The following AGBL1 variants were observed in gnomAD, a reference collection of about 807,000 sequenced individuals.
AGBL1 encodes the protein AGBL carboxypeptidase 1.
Under a neutral mutation model 118.9 loss-of-function variants are expected in AGBL1, and 130 were observed. That is an observed-to-expected ratio of 1.09 (90% CI 0.95 to 1.26). AGBL1 has a LOEUF of 1.26. Ranked by LOEUF, AGBL1 falls within the 50% of genes most tolerant of loss-of-function variation. The probability of loss-of-function intolerance (pLI) is 0.00; values close to 1 mark genes in which losing one functional copy is unlikely to be tolerated. For synonymous variants in AGBL1, 555 were observed against 478.9 expected (o/e 1.16, Z -2.08); for missense variants, 1,584 against 1,298.1 (o/e 1.22, Z -3.38).
In AGBL1 at chr15:86,411,500, C is replaced by T. The variant is rs79883766; in HGVS notation, c.2555+13954C>T. ...TGATAATGCAGATCCACCTCCCCAC[C>T]GCGATTTACAGGTTGTCTTTTCCTT... On this transcript the variant is annotated intron_variant, in intron 18 of 22. Transcript: ENST00000614907. 3.3e-3 allele frequency among the ~76,000 whole-genome samples: 499 copies of T among 152,252 alleles called. 1 individual carries two copies. Among genetic ancestry groups the T allele is most frequent in the African/African-American group, 0.011 (469 of 41,562 alleles).
intron 24 of AGBL1, among the ~76,000 whole-genome samples, chr15:87,016,934 G>T (rs975621297): frequency 1.3e-5 from 2 of 152,144 alleles, no homozygotes; most frequent in Non-Finnish European, 2.9e-5. Context: ...CACACACAGA[G>T]ACCCAGGAGT....
chr15:86,435,107 A>C (rs994189722), intron 18 of AGBL1, among the ~76,000 whole-genome samples: 7 of 152,218 alleles, frequency 4.6e-5, no homozygotes, highest in Admixed American at 3.3e-4. Context: ...TCTTTTCATA[A>C]TTTCTAGGAG....
At chr15:86,421,635 CAATTAAAAGACA>C (rs2142024528) in intron 18 of AGBL1, among the ~76,000 whole-genome samples, 1 of 152,208 alleles carries the variant, frequency 6.6e-6, no homozygotes, top group Admixed American at 6.5e-5. Context: ...CTAAATGCCC[CAATTAAAAGACA>C]AAGACTGGCA....
At chr15:86,899,828 C>T (rs993893303) in intron 22 of AGBL1, among the ~76,000 whole-genome samples, 15 of 152,040 alleles carry the variant, frequency 9.9e-5, no homozygotes, top group Admixed American at 3.9e-4. Context: ...TTGAAGGATG[C>T]GACATATTAT....
chr15:86,574,570 A>ATTTTTTTTTTTTTTTTTTTTTTTTTTT (rs776642678), intron 21 of AGBL1, among the ~76,000 whole-genome samples: 2 of 83,758 alleles, frequency 2.4e-5, no homozygotes, highest in Non-Finnish European at 4.4e-5. Context: ...AAAAGTTTTA[A>ATTTTTTTTTTTTTTTTTTTTTTTTTTT]TTTTTTTTTT....
intron 16 of AGBL1, among the ~76,000 whole-genome samples, chr15:86,281,697 T>C (rs1206762412): frequency 1.3e-5 from 2 of 152,174 alleles, no homozygotes; most frequent in Non-Finnish European, 1.5e-5. Context: ...CATCAGCCCT[T>C]GAGGTGTATT....
At chr15:86,721,594 A>G (rs1307982998) in intron 22 of AGBL1, among the ~76,000 whole-genome samples, 3 of 152,224 alleles carry the variant, frequency 2.0e-5, no homozygotes, top group Non-Finnish European at 2.9e-5. Context: ...GAAAACTGGC[A>G]CAAGACAGGG....
At chr15:86,569,723 A>T (rs536148240) in intron 21 of AGBL1, among the ~76,000 whole-genome samples, 1 of 152,338 alleles carries the variant, frequency 6.6e-6, no homozygotes, top group Non-Finnish European at 1.5e-5. Context: ...AAAAATCAAG[A>T]GGCAGAGATG....
At chr15:86,483,507 A>T (rs1357716471) in intron 18 of AGBL1, among the ~76,000 whole-genome samples, 1 of 151,978 alleles carries the variant, frequency 6.6e-6, no homozygotes, top group Admixed American at 6.6e-5. Context: ...ATGGCCAGGA[A>T]CTCATATTCT....
intron 21 of AGBL1, among the ~76,000 whole-genome samples, chr15:86,566,266 G>A (rs1444891033): frequency 6.6e-6 from 1 of 152,160 alleles, no homozygotes; most frequent in Non-Finnish European, 1.5e-5. Context: ...TGGCCATCTT[G>A]GAACCCTAAT....
At chr15:86,960,374 T>C (rs1354631438) in intron 23 of AGBL1, among the ~76,000 whole-genome samples, 1 of 152,110 alleles carries the variant, frequency 6.6e-6, no homozygotes, top group East Asian at 1.9e-4. Flanking sequence ...ATATAAATTA[T>C]CTGGTTGAAA....
At chr15:86,838,028 T>A (rs1028628237) in intron 22 of AGBL1, among the ~76,000 whole-genome samples, 1 of 152,192 alleles carries the variant, frequency 6.6e-6, no homozygotes, top group Non-Finnish European at 1.5e-5. Context: ...AATCAGTTCA[T>A]TATTTCACCT....
intron 22 of AGBL1, among the ~76,000 whole-genome samples, chr15:86,872,316 C>T (rs1002715137): frequency 1.3e-5 from 2 of 152,174 alleles, no homozygotes; most frequent in East Asian, 1.9e-4. Flanking sequence ...AATTGAGACA[C>T]AAGCTGATGA....
chr15:86,993,667 T>G lies in AGBL1; in HGVS notation c.3323+5579T>G, dbSNP rs559738021. ...GATTTGTGCTATGTGAACTTTTCTT[T>G]ATGTATGTTGTTCTTCAATAAAAGC... On this transcript the variant is annotated intron_variant, in intron 24 of 24. Transcript: ENST00000441037. 3.3e-5 allele frequency among the ~76,000 whole-genome samples: 5 copies of G among 152,122 alleles called. No homozygotes were observed. The East Asian group carries it at 9.7e-4, about 29-fold the overall frequency.
At chr15:86,548,924 G>T (rs1218345991) in intron 20 of AGBL1, among the ~76,000 whole-genome samples, 1 of 152,084 alleles carries the variant, frequency 6.6e-6, no homozygotes, top group Non-Finnish European at 1.5e-5. Flanking sequence ...GTGGTAGAAG[G>T]TGAAGGGGGA....
At position 86,286,416 on chromosome 15, in the gene AGBL1, G is replaced by A. The variant is rs543973296; in HGVS notation, c.2220+6633G>A. On this transcript the variant is annotated intron_variant, in intron 16 of 22. Coordinates refer to ENST00000614907, the MANE Select transcript of AGBL1 (RefSeq NM_001386094.1). ...TAGATGACCAGACGTTATTCCTCTT[G>A]TCTAATTGAAATTTTGTACCCTTTC... Among the ~76,000 whole-genome samples, 3 of 107,274 alleles carry A rather than the reference G, an allele frequency of 2.8e-5. No individual in the cohort carries two copies. In the East Asian group the frequency reaches 6.5e-4, roughly 23 times the overall value. 70.4% of individuals were successfully genotyped at this position (107,274 alleles called of 152,430 possible).
chr15:86,503,234 T>C (rs944349161), intron 18 of AGBL1, among the ~76,000 whole-genome samples: 1 of 151,544 alleles, frequency 6.6e-6, no homozygotes, highest in Non-Finnish European at 1.5e-5. Flanking sequence ...TTTGTTGGCA[T>C]GAAATTATTC....
At chr15:86,583,974 A>ACTTGT (rs58331241) in intron 21 of AGBL1, among the ~76,000 whole-genome samples, 69,002 of 151,462 alleles carry the variant, frequency 0.46, 16,055 homozygotes, top group Middle Eastern at 0.52. Flanking sequence ...TTTCTTGGCC[A>ACTTGT]CTTGTATGTC....
chr15:86,811,400 G>A (rs2078786121), intron 22 of AGBL1, among the ~76,000 whole-genome samples: 1 of 152,168 alleles, frequency 6.6e-6, no homozygotes, highest in Non-Finnish European at 1.5e-5. Context: ...TGGGTCTATG[G>A]ATGTGACCGT....
Sources: gnomAD v4.1 joint callset for allele counts (sites outside exome capture counted in the v4.1 genomes callset) on GRCh38, gnomAD v4.1.1 for gene constraint, MANE v1.5 for transcripts, NCBI Gene and HGNC (gene_info 2026-07-23, HGNC 2026-07-21) for gene names.